KMO: variants seen among roughly 807,000 people sequenced by gnomAD.
KMO encodes the protein kynurenine 3-hydroxylase.
KMO carries 24 observed loss-of-function variants against 57.8 expected under a neutral mutation model. The ratio of observed to expected loss-of-function variants is 0.42; its 90% confidence interval spans 0.30 to 0.58. KMO has a LOEUF of 0.58. Ranked by LOEUF, KMO falls within the 20% of genes least tolerant of loss-of-function variation. KMO has a pLI of 0.22. For synonymous variants in KMO, 210 were observed against 193.6 expected (o/e 1.08, Z -0.70); for missense variants, 483 against 588.2 (o/e 0.82, Z 1.85).
intron 1 of KMO, among the ~76,000 whole-genome samples, chr1:241,534,867 G>C (rs971400319): frequency 1.3e-5 from 2 of 152,060 alleles, no homozygotes; most frequent in Non-Finnish European, 2.9e-5. Flanking sequence ...CTTTACCAAA[G>C]GTCTTGTCTG....
chr1:241,560,478 T>C lies in KMO; in HGVS notation c.362-187T>C, dbSNP rs552184089. 2.0e-5 allele frequency among the ~76,000 whole-genome samples: 3 copies of C among 152,334 alleles called. No homozygotes were observed. The South Asian group carries it at 6.2e-4, about 32-fold the overall frequency. ...ATTGATTTTTATTCATCTGTTTTAC[T>C]ACCAAATTATACTGAAATAGTTACC... is the stretch of plus-strand genomic sequence containing the variant. On this transcript the variant is annotated intron_variant, in intron 5 of 14. Coordinates refer to ENST00000366559, the MANE Select transcript of KMO (RefSeq NM_003679.5).
intron 3 of KMO, among the ~76,000 whole-genome samples, chr1:241,550,649 T>G (rs112863274): frequency 1.3e-5 from 2 of 152,178 alleles, no homozygotes; most frequent in African/African-American, 4.8e-5. Flanking sequence ...ATCTCCCTTT[T>G]TGTCATGATG....
chr1:241,594,341 G>A lies in KMO; in HGVS notation c.*2188G>A. 2.1e-6 allele frequency: 3 copies of A among 1,400,970 alleles called. No individual in the cohort carries two copies. The highest frequency in any genetic ancestry group is 2.0e-6 in the Non-Finnish European group (2 of 1,017,590). The allele number at this position is 1,400,970 out of a possible 1,614,324, so 86.8% of individuals were successfully genotyped here. On this transcript the variant is annotated 3_prime_UTR_variant, in exon 15 of 15. Coordinates refer to ENST00000366559, the MANE Select transcript of KMO (RefSeq NM_003679.5). ...CACAAGGTTCTGTTGATATTACATA[G>A]AACGGGTATTCCAGACACTTCTTAT... is the stretch of plus-strand genomic sequence containing the variant.
At chr1:241,588,854 T>C in intron 12 of KMO, 24 bp downstream of exon 12, 1 of 1,511,848 alleles carries the variant, frequency 6.6e-7, no homozygotes, top group Non-Finnish European at 9.2e-7. Context: ...TTTGGCTTTA[T>C]TCCATGAGAT....
At chr1:241,542,481 G>C (rs1370685164) in intron 1 of KMO, among the ~76,000 whole-genome samples, 1 of 152,176 alleles carries the variant, frequency 6.6e-6, no homozygotes, top group East Asian at 1.9e-4. Flanking sequence ...GGTTAGACTG[G>C]TTATTCATAA....
intron 7 of KMO, among the ~76,000 whole-genome samples, chr1:241,562,862 AGAAGGAAGGAAGGAAG>A (rs1173823057): frequency 0.011 from 1,153 of 104,550 alleles, 21 homozygotes; most frequent in African/African-American, 0.035. Flanking sequence ...AAGGAAGGAA[AGAAGGAAGGAAGGAAG>A]GAAGGAAGGA....
Position 241,590,088 on chromosome 1 carries a change from C to A in KMO, c.1175C>A (p.Ser392Ter). 1 of 1,613,640 alleles carries A rather than the reference C, an allele frequency of 6.2e-7. No homozygotes were observed. The highest frequency in any genetic ancestry group is 8.5e-7 in the Non-Finnish European group (1 of 1,179,590). ...MERFLHAIMP[S>*]TFIPLYTMVT... Reference sequence around the variant, plus strand: ...AGATTTCTTCATGCGATTATGCCATCGACCTTTATCCCTCTCTATACAATG... The same window carrying A: ...AGATTTCTTCATGCGATTATGCCATAGACCTTTATCCCTCTCTATACAATG... Residue 392 changes from serine (S) to a stop codon, truncating the protein, a stop_gained, in exon 13 of 15, where the codon TCG (serine) becomes TAG (stop). Transcript: ENST00000366559. LOFTEE classifies it high-confidence loss of function.
In KMO at chr1:241,539,438, A is replaced by G. The variant is rs188755021; in HGVS notation, c.54+6940A>G. Among the ~76,000 whole-genome samples, 3 of 152,154 alleles carry G rather than the reference A, an allele frequency of 2.0e-5. No individual in the cohort carries two copies. The East Asian group carries it at 5.8e-4, about 29-fold the overall frequency. On this transcript the variant is annotated intron_variant, in intron 1 of 14. Transcript: ENST00000366559. ...CTTCACCCTTGAAGTTGGCCTAAGC[A>G]TGGCATTGCATTCAGAGTAACAACT...
intron 8 of KMO, among the ~76,000 whole-genome samples, chr1:241,565,942 T>C (rs1662059776): frequency 6.6e-6 from 1 of 151,704 alleles, no homozygotes; most frequent in Non-Finnish European, 1.5e-5. Context: ...TGGTGGCTCA[T>C]GCCTGTAATC....
At chr1:241,572,429 T>G (rs1662336360) in intron 10 of KMO, among the ~76,000 whole-genome samples, 1 of 152,080 alleles carries the variant, frequency 6.6e-6, no homozygotes, top group African/African-American at 2.4e-5. Context: ...TGTCTCCATT[T>G]TGACCTCTGA....
At chr1:241,583,474 T>TTA (rs1662836654) in intron 10 of KMO, among the ~76,000 whole-genome samples, 2 of 152,272 alleles carry the variant, frequency 1.3e-5, no homozygotes, top group East Asian at 3.9e-4. Flanking sequence ...ACTTGGTGCT[T>TTA]TATTTTATTG....
At chr1:241,585,071 C>CA (rs899098195) in intron 10 of KMO, among the ~76,000 whole-genome samples, 8 of 151,260 alleles carry the variant, frequency 5.3e-5, no homozygotes, top group Non-Finnish European at 7.4e-5. Context: ...ACTGAAAATA[C>CA]AAAAAAAATT....
chr1:241,575,009 T>A (rs1662452088), intron 10 of KMO, among the ~76,000 whole-genome samples: 1 of 152,058 alleles, frequency 6.6e-6, no homozygotes, highest in South Asian at 2.1e-4. Context: ...TTTGTACATG[T>A]CTAGAAATTT....
chr1:241,560,716 A>T lies in KMO; in HGVS notation c.413A>T (p.Lys138Ile). The change falls in exon 6 of 15, where the codon AAA becomes ATA. Residue 138 changes from lysine to isoleucine, a missense_variant. This residue lies in a region of KMO where 410 missense variants were observed against 492.3 expected (regional missense o/e 0.83). Coordinates refer to ENST00000366559, the MANE Select transcript of KMO (RefSeq NM_003679.5). ...VKMHFNHRLLKCNPEEGMITV... is the reference protein window; with the variant it reads ...VKMHFNHRLLICNPEEGMITV... ...ATGCACTTTAACCACAGGCTGTTGA[A>T]ATGTAATCCAGAGGAAGGAATGATC... 6.2e-7 allele frequency: 1 copy of T among 1,613,794 alleles called. No homozygotes were observed. The highest frequency in any genetic ancestry group is 8.5e-7 in the Non-Finnish European group (1 of 1,179,688).
rs1488726280 is a variant in KMO at position 241,595,393 on chromosome 1, T to C, written c.*3240T>C. On this transcript the variant is annotated 3_prime_UTR_variant, in exon 15 of 15. Transcript: ENST00000366559. ...GAACCTAGATTCCTAAATGACTGCATAGGACAGATCCCATCTCCTCCACCC... is the reference window on the plus strand; with the variant it reads ...GAACCTAGATTCCTAAATGACTGCACAGGACAGATCCCATCTCCTCCACCC... 1.3e-5 allele frequency: 2 copies of C among 152,248 alleles called. No individual in the cohort carries two copies. The highest frequency in any genetic ancestry group is 2.9e-5 in the Non-Finnish European group (2 of 68,088). 9.4% of individuals were successfully genotyped at this position (152,248 alleles called of 1,614,324 possible).
chr1:241,570,010 ATTATC>A (rs1162471887), intron 10 of KMO, among the ~76,000 whole-genome samples: 3 of 151,998 alleles, frequency 2.0e-5, no homozygotes, highest in Admixed American at 6.6e-5. Flanking sequence ...ATAATCAGGT[ATTATC>A]TTCTTTGAGA....
chr1:241,533,124 C>G (rs535249443), intron 1 of KMO, among the ~76,000 whole-genome samples: 4 of 152,224 alleles, frequency 2.6e-5, no homozygotes, highest in African/African-American at 9.6e-5. Flanking sequence ...CCTAACAAGA[C>G]GGAAGGAGAG....
rs749441070 is a variant in KMO at position 241,560,777 on chromosome 1, T to G, written c.449+25T>G. 8.6e-6 allele frequency: 13 copies of G among 1,505,666 alleles called. No individual in the cohort carries two copies. In the South Asian group the frequency reaches 1.5e-4, roughly 17 times the overall value. The allele number at this position is 1,505,666 out of a possible 1,614,324, so 93.3% of individuals were successfully genotyped here. ...GGTAACTACGGGTCAGGTTTTGGAC[T>G]TCAGAGGTGAAAGCTGGGAGTGGAG... On this transcript the variant is annotated intron_variant, in intron 6 of 14. Transcript: ENST00000366559.
At chr1:241,583,882 A>G (rs1009895107) in intron 10 of KMO, among the ~76,000 whole-genome samples, 3 of 152,186 alleles carry the variant, frequency 2.0e-5, no homozygotes, top group Non-Finnish European at 4.4e-5. Flanking sequence ...TTCAAGACTT[A>G]ATTTTTTAAA....
Sources: allele counts gnomAD v4.1 joint callset (sites outside exome capture counted in the v4.1 genomes callset), GRCh38; gene constraint gnomAD v4.1.1; regional missense constraint gnomAD v4.1.1; transcripts MANE v1.5; gene names NCBI Gene and HGNC (gene_info 2026-07-23, HGNC 2026-07-21).